DNM1L: variants seen among roughly 807,000 people sequenced by gnomAD.
The protein encoded by DNM1L is dynamin-1-like protein.
A neutral mutation model predicts 92.8 loss-of-function variants in DNM1L; 33 were observed. The ratio of observed to expected loss-of-function variants is 0.36; its 90% CI spans 0.27 to 0.48. The LOEUF is 0.48. DNM1L is among the 20% of genes least tolerant of loss of function. DNM1L has a pLI of 0.99. For synonymous variants in DNM1L, 284 were observed against 305.0 expected, an observed-to-expected ratio of 0.93 and a Z score of 0.72; for missense variants, 485 against 888.8, an observed-to-expected ratio of 0.55 and a Z score of 5.78.
intron 1 of DNM1L, among the ~76,000 whole-genome samples, chr12:32,693,372 G>A (rs139967337): frequency 6.6e-6 from 1 of 152,212 alleles, no homozygotes; most frequent in East Asian, 1.9e-4. Flanking sequence ...ATACATTTTG[G>A]TTACCAGTTA....
intron 9 of DNM1L, chr12:32,726,813 A>G: frequency 1.6e-6 from 1 of 622,940 alleles, no homozygotes; most frequent in Non-Finnish European, 2.9e-6. Context: ...TTGTCCATCA[A>G]AGGAAAAGTG....
intron 9 of DNM1L, 81 bp from the exon 10 acceptor site, chr12:32,730,921 TAAGATGAGCTTA>T: frequency 6.4e-7 from 1 of 1,568,678 alleles, no homozygotes; most frequent in Non-Finnish European, 8.7e-7. Context: ...TCTCAGAAAA[TAAGATGAGCTTA>T]AAGCTTCTAG....
chr12:32,696,131 C>T (rs534097973), intron 1 of DNM1L, among the ~76,000 whole-genome samples: 21 of 152,008 alleles, frequency 1.4e-4, no homozygotes, highest in African/African-American at 3.4e-4. Flanking sequence ...GAAAGTGACA[C>T]GGTAGACCAA....
intron 1 of DNM1L, among the ~76,000 whole-genome samples, chr12:32,683,533 TTTTA>T (rs1445090272): frequency 1.3e-5 from 2 of 148,508 alleles, no homozygotes; most frequent in Non-Finnish European, 2.9e-5. Context: ...ATAATTTGGA[TTTTA>T]TTTTATTTTA....
intron 1 of DNM1L, among the ~76,000 whole-genome samples, chr12:32,693,645 CTTTTCT>C (rs1336298274): frequency 6.6e-6 from 1 of 151,662 alleles, no homozygotes; most frequent in Non-Finnish European, 1.5e-5. Context: ...TTTCTTTTTT[CTTTTCT>C]TTTTAAGACA....
chr12:32,679,685 G>A, intron 1 of DNM1L: 1 of 1,251,306 alleles, frequency 8.0e-7, no homozygotes, highest in Non-Finnish European at 1.0e-6. Flanking sequence ...GGCCCGGCCA[G>A]GGGCGGAGCC....
At position 32,679,456 on chromosome 12, in the gene DNM1L, G is replaced by T. The variant is rs1293408110; in HGVS notation, c.93G>T (p.Val31=). 1 of 1,612,344 alleles carries T rather than the reference G, an allele frequency of 6.2e-7. No homozygotes were observed. The highest frequency in any genetic ancestry group is 8.5e-7 in the Non-Finnish European group (1 of 1,179,664). The change falls in exon 1 of 20, where the codon GTG becomes GTT. Residue 31 remains valine, a synonymous_variant. Coordinates refer to ENST00000549701, the MANE Select transcript of DNM1L (RefSeq NM_012062.5). Reference sequence around the variant, plus strand: ...TCCAGCTGCCTCAAATCGTCGTAGTGGGAACGCAGGTGAGAGCAGCAGGCG... The same window carrying T: ...TCCAGCTGCCTCAAATCGTCGTAGTTGGAACGCAGGTGAGAGCAGCAGGCG... ...DIIQLPQIVV[V]GTQSSGKSSV... is the part of the protein sequence containing the mutation.
In DNM1L at chr12:32,731,921, G is replaced by A. The variant is rs1954581292; in HGVS notation, c.1424G>A (p.Arg475Lys). 6.2e-7 allele frequency: 1 copy of A among 1,613,654 alleles called. No individual in the cohort carries two copies. The highest frequency in any genetic ancestry group is 8.5e-7 in the Non-Finnish European group (1 of 1,179,684). ...VEVVTCLLRK[R>K]LPVTNEMVHN... is the part of the protein sequence containing the mutation. ...GTGGTGACTTGTCTTCTTCGTAAAA[G>A]GTTGCCTGTTACAAATGAAATGGTG... is the stretch of plus-strand genomic sequence containing the variant. Residue 475 changes from arginine to lysine, a missense_variant, in exon 12 of 20, where the codon AGG (arginine) becomes AAG (lysine). Arg to Lys is a conservative substitution (Grantham distance 26). Around this residue, in one of 11 missense-constraint regions of DNM1L, gnomAD observed 28 missense variants for 65.1 expected, o/e 0.43. Coordinates refer to ENST00000549701, the MANE Select transcript of DNM1L (RefSeq NM_012062.5). This position sits in a 1 kb window ranked among gnomAD's most constrained non-coding sequence, Gnocchi z 5.1.
chr12:32,727,183 CAT>C, intron 9 of DNM1L: 1 of 918,916 alleles, frequency 1.1e-6, no homozygotes, highest in Non-Finnish European at 1.8e-6. Context: ...TCTGTAGGTT[CAT>C]AAATTGTATT....
At chr12:32,700,687 A>G (rs1455283831) in intron 1 of DNM1L, among the ~76,000 whole-genome samples, 1 of 152,056 alleles carries the variant, frequency 6.6e-6, no homozygotes, top group Non-Finnish European at 1.5e-5. Flanking sequence ...TCAAGGCTGC[A>G]ATAAGCTGTG....
chr12:32,722,833 TCA>T (rs1240412402), intron 9 of DNM1L, 200 bp downstream of exon 9: 1 of 291,014 alleles, frequency 3.4e-6, no homozygotes, highest in Non-Finnish European at 6.2e-6. Context: ...AGTAAAATTG[TCA>T]CATATTTTTA....
At position 32,679,414 on chromosome 12, in the gene DNM1L, G is replaced by T. The variant is rs775798240; in HGVS notation, c.51G>T (p.Thr17=). ...VINKLQDVFN[T]VGADIIQLPQ... is the part of the protein sequence containing the mutation. Reference sequence around the variant, plus strand: ...ACAAGCTCCAGGACGTCTTCAACACGGTGGGCGCCGACATCATCCAGCTGC... The same window carrying T: ...ACAAGCTCCAGGACGTCTTCAACACTGTGGGCGCCGACATCATCCAGCTGC... Residue 17 remains threonine (T), a synonymous_variant, in exon 1 of 20, where the codon ACG becomes ACT. Transcript: ENST00000549701. The T allele has an allele frequency of 3.1e-6, 5 of 1,613,738 alleles. No homozygotes were observed. In the Admixed American group the frequency reaches 8.3e-5, roughly 27 times the overall value.
At chr12:32,743,086 G>A (rs943960115) in intron 19 of DNM1L, among the ~76,000 whole-genome samples, 5 of 151,150 alleles carry the variant, frequency 3.3e-5, no homozygotes, top group African/African-American at 9.8e-5. Context: ...TAGTAGAGAC[G>A]GGGTTTCACC....
At chr12:32,717,869 T>C in intron 6 of DNM1L, among the ~76,000 whole-genome samples, 2 of 113,368 alleles carry the variant, frequency 1.8e-5, no homozygotes, top group Middle Eastern at 0.011. Flanking sequence ...CTATATATAG[T>C]ATATACTATA....
chr12:32,687,010 A>T (rs1392478522), intron 1 of DNM1L, among the ~76,000 whole-genome samples: 3 of 137,240 alleles, frequency 2.2e-5, no homozygotes, highest in Non-Finnish European at 4.5e-5. Flanking sequence ...TGAACTCCTG[A>T]CCTCAGGTGA....
intron 9 of DNM1L, chr12:32,728,689 A>G (rs1034798593): frequency 1.3e-5 from 2 of 152,222 alleles, no homozygotes; most frequent in African/African-American, 4.8e-5. Flanking sequence ...AGGCTTGGCA[A>G]CAGCAAAGAA....
rs147041607 is a variant in DNM1L, at chr12:32,699,833, A to T, written c.103-1582A>T. 9.9e-3 allele frequency among the ~76,000 whole-genome samples: 1,493 copies of T among 151,258 alleles called. 34 individuals are homozygous for T. The highest frequency in any genetic ancestry group is 0.033 in the African/African-American group (1,377 of 41,220). ...AAAAAAAAAAAAGCAATGATGTTTA[A>T]TACTGATGGAGCTGTAGCAAATTGA... On this transcript the variant is annotated intron_variant, in intron 1 of 19. Coordinates refer to ENST00000549701, the MANE Select transcript of DNM1L (RefSeq NM_012062.5).
chr12:32,733,839 G>A (rs765325397), intron 13 of DNM1L, 32 bp downstream of exon 13: 149 of 1,582,360 alleles, frequency 9.4e-5, no homozygotes, highest in Admixed American at 1.5e-4. Flanking sequence ...TTTTTCACAG[G>A]TAGAAAAATC....
intron 1 of DNM1L, among the ~76,000 whole-genome samples, chr12:32,682,936 T>G (rs1951864024): frequency 6.6e-6 from 1 of 152,190 alleles, no homozygotes; most frequent in East Asian, 1.9e-4. Context: ...GATGATACTT[T>G]TAGACCATGG....
Sources: gnomAD v4.1 joint callset for allele counts (sites outside exome capture counted in the v4.1 genomes callset) on GRCh38, gnomAD v4.1.1 for gene constraint, gnomAD v4.1.1 regional missense constraint, Gnocchi (gnomAD v3.1) non-coding constraint, MANE v1.5 for transcripts, NCBI Gene and HGNC (gene_info 2026-07-23, HGNC 2026-07-21) for gene names.